Variants in TPRG1 observed in about 807,000 individuals in gnomAD.
TPRG1 encodes tumor protein p63-regulated gene 1 protein.
A neutral mutation model predicts 29.3 loss-of-function variants in TPRG1; 29 were observed. The ratio of observed to expected loss-of-function variants is 0.99; its 90% CI spans 0.74 to 1.35. The LOEUF (loss-of-function observed/expected upper bound fraction) is 1.35, where lower values mean the gene tolerates loss of function less well. TPRG1 is among the 40% of genes most tolerant of loss of function. The pLI is 0.00. For missense variants in TPRG1, 327 were observed against 335.0 expected, an observed-to-expected ratio of 0.98 and a Z score of 0.19; for synonymous variants, 130 against 116.8, an observed-to-expected ratio of 1.11 and a Z score of -0.73.
rs1259829015 is a variant in TPRG1 at position 189,172,148 on chromosome 3, T to C, written c.-10+17T>C. On this transcript the variant is annotated intron_variant, in intron 1 of 5. Coordinates refer to ENST00000345063, the MANE Select transcript of TPRG1 (RefSeq NM_198485.4). ...CCTAGTCAGGTAAGATCAAGTGGCT[T>C]GTCACTGGTTCTGCAGAGATGGGTT... 1 of 152,234 alleles carries C rather than the reference T, an allele frequency of 6.6e-6. No homozygotes were observed. Among genetic ancestry groups the C allele is most frequent in the African/African-American group, 2.4e-5 (1 of 41,440 alleles). The allele number at this position is 152,234 out of a possible 1,614,324, so 9.4% of individuals were successfully genotyped here.
intron 3 of TPRG1, among the ~76,000 whole-genome samples, chr3:189,133,004 A>C (rs896536550): frequency 2.0e-5 from 3 of 152,252 alleles, no homozygotes; most frequent in East Asian, 1.9e-4. Context: ...GGAAATATGT[A>C]CTGAAAACAG....
chr3:189,151,882 C>CA (rs910186340), intron 5 of TPRG1, among the ~76,000 whole-genome samples: 31 of 148,084 alleles, frequency 2.1e-4, no homozygotes, highest in Middle Eastern at 3.5e-3. Context: ...CTCCATCTTA[C>CA]AAAAAAAAAA....
chr3:189,202,609 G>C (rs1046306953), intron 1 of TPRG1, among the ~76,000 whole-genome samples: 1 of 152,066 alleles, frequency 6.6e-6, no homozygotes, highest in East Asian at 1.9e-4. Context: ...TTTTAAATTT[G>C]TGACCCTAAA....
chr3:189,159,890 G>A (rs537686824), intron 5 of TPRG1, among the ~76,000 whole-genome samples: 5 of 150,136 alleles, frequency 3.3e-5, no homozygotes, highest in South Asian at 2.1e-4. Flanking sequence ...AGGGGTTCAC[G>A]AGCTGCAAAG....
intron 1 of TPRG1, among the ~76,000 whole-genome samples, chr3:188,999,528 T>A (rs1711934368): frequency 6.6e-6 from 1 of 152,212 alleles, no homozygotes; most frequent in Non-Finnish European, 1.5e-5. Context: ...AATTCCATCC[T>A]GCCATATGGT....
chr3:189,203,631 A>T (rs1254497658), intron 1 of TPRG1, among the ~76,000 whole-genome samples: 1 of 152,194 alleles, frequency 6.6e-6, no homozygotes, highest in African/African-American at 2.4e-5. Context: ...TTAGGTGTTT[A>T]GTTGGTTTTC....
chr3:189,195,023 C>T (rs1020067866), intron 1 of TPRG1, among the ~76,000 whole-genome samples: 1 of 152,126 alleles, frequency 6.6e-6, no homozygotes, highest in Admixed American at 6.5e-5. Context: ...TGCTCTGTTT[C>T]CTTGGAGCAT....
intron 3 of TPRG1, among the ~76,000 whole-genome samples, chr3:189,007,387 T>C (rs1712349623): frequency 6.6e-6 from 1 of 151,888 alleles, no homozygotes; most frequent in African/African-American, 2.4e-5. Flanking sequence ...CATTAAAAAG[T>C]CAGGAAACAA....
chr3:189,018,119 T>C (rs549614000), intron 3 of TPRG1, among the ~76,000 whole-genome samples: 7 of 152,336 alleles, frequency 4.6e-5, no homozygotes, highest in African/African-American at 1.7e-4. Flanking sequence ...CTTTGTAGAT[T>C]CTGGATATTA....
At chr3:189,313,176 T>C (rs1034969542) in intron 5 of TPRG1, 1 of 152,186 alleles carries the variant, frequency 6.6e-6, no homozygotes, top group African/African-American at 2.4e-5. Context: ...TGTGAGAGGA[T>C]GAGTACTTTG....
At chr3:189,204,087 G>A (rs1385957871) in intron 1 of TPRG1, among the ~76,000 whole-genome samples, 1 of 144,008 alleles carries the variant, frequency 6.9e-6, no homozygotes, top group Non-Finnish European at 1.5e-5. Context: ...CTTTTTCTAA[G>A]TTTTGACCCT....
chr3:189,118,243 G>T (rs373469233), intron 1 of TPRG1, among the ~76,000 whole-genome samples: 1 of 152,136 alleles, frequency 6.6e-6, no homozygotes, highest in Non-Finnish European at 1.5e-5. Context: ...GAGACTGGCC[G>T]CATTCTACCC....
At chr3:189,111,582 C>T (rs186245668) in intron 1 of TPRG1, among the ~76,000 whole-genome samples, 1 of 152,126 alleles carries the variant, frequency 6.6e-6, no homozygotes, top group Non-Finnish European at 1.5e-5. Context: ...CAGGGACCAT[C>T]TGCTATGTTG....
upstream of TPRG1, among the ~76,000 whole-genome samples, chr3:189,169,036 C>T (rs972721775): frequency 3.3e-5 from 5 of 152,176 alleles, no homozygotes; most frequent in Non-Finnish European, 7.3e-5. Context: ...ACTCCATCCC[C>T]ATTTGAAAAA....
intron 1 of TPRG1, among the ~76,000 whole-genome samples, chr3:189,174,127 T>G (rs911951848): frequency 2.0e-5 from 3 of 152,212 alleles, no homozygotes; most frequent in Non-Finnish European, 2.9e-5. Context: ...ATAGTTGATA[T>G]TTTACTCAAC....
intron 3 of TPRG1, among the ~76,000 whole-genome samples, chr3:189,008,685 G>T (rs1712438934): frequency 6.6e-6 from 1 of 151,908 alleles, no homozygotes. Flanking sequence ...TTATTAATTT[G>T]GGTTTTCTTC....
intron 4 of TPRG1, among the ~76,000 whole-genome samples, chr3:189,059,877 G>A (rs1278550850): frequency 6.6e-6 from 1 of 152,146 alleles, no homozygotes; most frequent in Non-Finnish European, 1.5e-5. Flanking sequence ...AAAGACAAAA[G>A]CTGCATGATT....
intron 4 of TPRG1, among the ~76,000 whole-genome samples, chr3:189,076,527 G>A (rs545945046): frequency 6.6e-6 from 1 of 150,566 alleles, no homozygotes; most frequent in South Asian, 2.1e-4. Context: ...CTGTCACTGA[G>A]ACTGTTTTTT....
intron 4 of TPRG1, among the ~76,000 whole-genome samples, chr3:189,280,329 A>G (rs1312497130): frequency 6.6e-6 from 1 of 152,164 alleles, no homozygotes; most frequent in Non-Finnish European, 1.5e-5. Flanking sequence ...AAATGAATGG[A>G]AGACATTTTA....
Sources: gnomAD v4.1 joint callset for allele counts (sites outside exome capture counted in the v4.1 genomes callset) on GRCh38, gnomAD v4.1.1 for gene constraint, MANE v1.5 for transcripts, NCBI Gene and HGNC (gene_info 2026-07-23, HGNC 2026-07-21) for gene names.